RBFOX1: variants seen among roughly 807,000 people sequenced by gnomAD.
The protein encoded by RBFOX1 is RNA binding fox-1 homolog 1, also known as RNA binding protein fox-1 homolog 1.
A neutral mutation model predicts 57.7 loss-of-function variants in RBFOX1; 8 were observed. That is an observed-to-expected ratio of 0.14 (90% CI 0.08 to 0.25). The LOEUF is 0.25. RBFOX1 is among the 10% of genes least tolerant of loss of function. The pLI is 1.00. For synonymous variants in RBFOX1, 326 were observed against 222.4 expected (o/e 1.47, Z -4.15); for missense variants, 611 against 548.5 (o/e 1.11, Z -1.14).
intron 1 of RBFOX1, among the ~76,000 whole-genome samples, chr16:6,194,198 C>A (rs1039444716): frequency 6.6e-6 from 1 of 152,118 alleles, no homozygotes; most frequent in Non-Finnish European, 1.5e-5. Flanking sequence ...CTCTGCAGCT[C>A]CCCCATCTCA....
intron 2 of RBFOX1, among the ~76,000 whole-genome samples, chr16:6,478,429 A>ATATATATATATTTTTTT (rs1159954387): frequency 4.1e-5 from 1 of 24,616 alleles, no homozygotes; most frequent in Non-Finnish European, 7.8e-5. Flanking sequence ...ATATATATAT[A>ATATATATATATTTTTTT]TTTTTTTTTT....
chr16:7,248,023 G>T (rs1034615091), intron 4 of RBFOX1, among the ~76,000 whole-genome samples: 2 of 152,152 alleles, frequency 1.3e-5, no homozygotes, highest in African/African-American at 2.4e-5. Flanking sequence ...ACCTGCACAT[G>T]TACCTCTGAA....
rs531384119 is a variant in RBFOX1, at chr16:5,398,988, C to T, written c.220-68228C>T. On this transcript the variant is annotated intron_variant, in intron 1 of 2. Transcript: ENST00000585867. ...CTCTCCAGTCCCAGCTTTTCTCCTT[C>T]TCTTCCCGCATTTGAGGGCCGCAGT... 2.0e-5 allele frequency among the ~76,000 whole-genome samples: 3 copies of T among 152,324 alleles called. 1 individual carries two copies. Among genetic ancestry groups the T allele is most frequent in the South Asian group, 2.1e-4 (1 of 4,830 alleles).
At chr16:6,818,293 G>C (rs748236894) in intron 3 of RBFOX1, among the ~76,000 whole-genome samples, 1 of 152,048 alleles carries the variant, frequency 6.6e-6, no homozygotes, top group Non-Finnish European at 1.5e-5. Flanking sequence ...CTGTGTGTGC[G>C]TCTTTCATTA....
intron 1 of RBFOX1, among the ~76,000 whole-genome samples, chr16:6,290,509 A>C (rs1404022095): frequency 6.6e-6 from 1 of 151,558 alleles, no homozygotes; most frequent in Non-Finnish European, 1.5e-5. Context: ...AGCAACGTAG[A>C]TTGTCATGAG....
intron 1 of RBFOX1, among the ~76,000 whole-genome samples, chr16:6,213,661 A>G (rs1168814010): frequency 6.6e-6 from 1 of 152,218 alleles, no homozygotes; most frequent in African/African-American, 2.4e-5. Context: ...TCAATGTAAT[A>G]AAGAGAAGAA....
At chr16:5,395,563 G>A (rs1001038027) in intron 1 of RBFOX1, among the ~76,000 whole-genome samples, 5 of 152,124 alleles carry the variant, frequency 3.3e-5, no homozygotes, top group Non-Finnish European at 5.9e-5. Flanking sequence ...TAAAACTTAC[G>A]TATAATGTAT....
intron 4 of RBFOX1, among the ~76,000 whole-genome samples, chr16:7,110,730 G>C (rs1599777102): frequency 6.6e-6 from 1 of 152,226 alleles, no homozygotes; most frequent in East Asian, 1.9e-4. Context: ...CTAAAAACAA[G>C]ATTTTTGAGT....
chr16:7,195,047 G>A (rs2086350708), intron 4 of RBFOX1, among the ~76,000 whole-genome samples: 2 of 121,740 alleles, frequency 1.6e-5, no homozygotes, highest in South Asian at 2.4e-4. Flanking sequence ...TCTAATTCTA[G>A]CAACAAAACT....
intron 2 of RBFOX1, among the ~76,000 whole-genome samples, chr16:6,612,929 C>T (rs1387042070): frequency 1.3e-5 from 2 of 150,908 alleles, no homozygotes; most frequent in Non-Finnish European, 2.9e-5. Flanking sequence ...TGAAGATTAC[C>T]AAATTCAGTT....
chr16:6,297,625 G>T (rs540115949), intron 1 of RBFOX1, among the ~76,000 whole-genome samples: 1 of 152,216 alleles, frequency 6.6e-6, no homozygotes, highest in South Asian at 2.1e-4. Flanking sequence ...GATACTTGTG[G>T]CCTTAAATAG....
chr16:6,835,008 T>A (rs1161254000), intron 3 of RBFOX1, among the ~76,000 whole-genome samples: 1 of 151,412 alleles, frequency 6.6e-6, no homozygotes, highest in Non-Finnish European at 1.5e-5. Flanking sequence ...TTCTCCTGCC[T>A]CAGCCTCCTG....
intron 4 of RBFOX1, among the ~76,000 whole-genome samples, chr16:5,963,585 G>C (rs1489760769): frequency 2.0e-5 from 3 of 152,148 alleles, no homozygotes; most frequent in Admixed American, 1.3e-4. Flanking sequence ...GCTTAATAGA[G>C]AGCTCAGAAA....
At chr16:7,404,724 A>G (rs1452661374) in intron 4 of RBFOX1, among the ~76,000 whole-genome samples, 1 of 151,846 alleles carries the variant, frequency 6.6e-6, no homozygotes, top group Non-Finnish European at 1.5e-5. Context: ...AAACAAACAA[A>G]CAAAACCGAA....
chr16:6,296,903 A>G (rs748019312), intron 1 of RBFOX1, among the ~76,000 whole-genome samples: 2 of 152,146 alleles, frequency 1.3e-5, no homozygotes, highest in African/African-American at 2.4e-5. Context: ...AGTAAAGTGA[A>G]AGCCTGTTTA....
intron 4 of RBFOX1, among the ~76,000 whole-genome samples, chr16:7,259,545 C>T (rs534988724): frequency 4.4e-4 from 66 of 150,516 alleles, no homozygotes; most frequent in African/African-American, 1.6e-3. Flanking sequence ...AGGAGATAGT[C>T]AGTATAAATC....
chr16:6,825,755 A>T (rs1379836399), intron 3 of RBFOX1, among the ~76,000 whole-genome samples: 7 of 152,142 alleles, frequency 4.6e-5, no homozygotes, highest in Non-Finnish European at 1.0e-4. Flanking sequence ...GGACACGTGT[A>T]ACGGGGTCCT....
intron 4 of RBFOX1, among the ~76,000 whole-genome samples, chr16:7,224,686 T>G (rs984067791): frequency 1.3e-5 from 2 of 152,174 alleles, no homozygotes; most frequent in African/African-American, 2.4e-5. Context: ...ATAAGTGATA[T>G]TTGGGGAGAG....
At chr16:6,633,427 A>C (rs575632245) in intron 2 of RBFOX1, among the ~76,000 whole-genome samples, 2 of 152,016 alleles carry the variant, frequency 1.3e-5, no homozygotes, top group Non-Finnish European at 2.9e-5. Context: ...ACAGGCATGC[A>C]CTACCACACC....
Sources: gnomAD v4.1 joint callset for allele counts (sites outside exome capture counted in the v4.1 genomes callset) on GRCh38, gnomAD v4.1.1 for gene constraint, MANE v1.5 for transcripts, NCBI Gene and HGNC (gene_info 2026-07-23, HGNC 2026-07-21) for gene names.